ATPSCKMT: variants seen among roughly 807,000 people sequenced by gnomAD.
The protein encoded by ATPSCKMT is ATP synthase c subunit lysine N-methyltransferase.
In ATPSCKMT, 24 loss-of-function variants were observed where a neutral mutation model predicts 24.3. That is an observed-to-expected ratio of 0.99 (90% CI 0.71 to 1.39). The LOEUF is 1.39. Among genes scored for constraint, ATPSCKMT ranks in the 40% most tolerant of loss-of-function variants. ATPSCKMT has a pLI of 0.00. For missense variants in ATPSCKMT, 311 were observed against 298.4 expected (o/e 1.04, Z -0.31); for synonymous variants, 95 against 110.5 (o/e 0.86, Z 0.88).
In ATPSCKMT at chr5:10,240,100, G is replaced by A. The variant is rs548631346; in HGVS notation, c.17-744C>T. On this transcript the variant is annotated intron_variant, in intron 1 of 4. Coordinates refer to ENST00000511437, the MANE Select transcript of ATPSCKMT (RefSeq NM_199133.4). ...AAAAAAAAAATTAGCCGGGCGTGGT[G>A]GCGGGCGCCTGTAGTCCCAGCTACT... 1.5e-4 allele frequency among the ~76,000 whole-genome samples: 23 copies of A among 151,806 alleles called. No individual in the cohort carries two copies. In the South Asian group the frequency reaches 2.7e-3, roughly 18 times the overall value.
At chr5:10,248,397 AT>A (rs1226898044) in intron 1 of ATPSCKMT, 1 of 152,226 alleles carries the variant, frequency 6.6e-6, no homozygotes, top group Non-Finnish European at 1.5e-5. Context: ...AGAAGTCACC[AT>A]TTTTAATGAG....
At chr5:10,249,574 C>T in intron 1 of ATPSCKMT, 1 of 416,444 alleles carries the variant, frequency 2.4e-6, no homozygotes, top group Non-Finnish European at 4.2e-6. Context: ...TGTGCCTCCA[C>T]TATCCCTATT....
rs367622945 is a variant in ATPSCKMT, at chr5:10,227,568, T to C, written c.575A>G (p.His192Arg). The C allele has an allele frequency of 5.0e-6, 8 of 1,614,008 alleles. No individual in the cohort carries two copies. In the African/African-American group the frequency reaches 6.7e-5, roughly 13 times the overall value. Residue 192 changes from histidine to arginine, a missense_variant, in exon 5 of 5, where the codon CAT becomes CGT. Coordinates refer to ENST00000511437, the MANE Select transcript of ATPSCKMT (RefSeq NM_199133.4). ...RVIACRFPFP[H>R]WTPDHVTGEG... Reference sequence around the variant, plus strand: ...CCCCGTGACGTGGTCTGGAGTCCAATGTGGGAAAGGGAACCGGCAAGCAAT... The same window carrying C: ...CCCCGTGACGTGGTCTGGAGTCCAACGTGGGAAAGGGAACCGGCAAGCAAT...
chr5:10,242,356 A>T (rs902234610), intron 1 of ATPSCKMT, among the ~76,000 whole-genome samples: 1 of 152,210 alleles, frequency 6.6e-6, no homozygotes, highest in Non-Finnish European at 1.5e-5. Flanking sequence ...CATCCTCACC[A>T]GTAGTAGATT....
intron 1 of ATPSCKMT, among the ~76,000 whole-genome samples, chr5:10,243,006 G>A (rs1050581759): frequency 1.3e-5 from 2 of 152,214 alleles, no homozygotes; most frequent in African/African-American, 4.8e-5. Context: ...TATACAGCAA[G>A]GCAGAGTAGA....
At chr5:10,234,362 A>C (rs1301862489) in intron 4 of ATPSCKMT, among the ~76,000 whole-genome samples, 4 of 152,208 alleles carry the variant, frequency 2.6e-5, no homozygotes, top group Non-Finnish European at 4.4e-5. Context: ...AGCATTTCTA[A>C]ATTATATTTT....
At position 10,239,072 on chromosome 5, in the gene ATPSCKMT, G is replaced by A. The variant is rs764422059; in HGVS notation, c.301C>T (p.Arg101Cys). The A allele has an allele frequency of 6.8e-6, 11 of 1,613,184 alleles. No homozygotes were observed. Among genetic ancestry groups the A allele is most frequent in the African/African-American group, 4.0e-5 (3 of 74,896 alleles). The change falls in exon 2 of 5, where the codon CGC (arginine) becomes TGC (cysteine). Residue 101 changes from arginine to cysteine, a missense_variant. Arg to Cys is a radical substitution (Grantham distance 180). Transcript: ENST00000511437. Reference protein sequence around the residue: ...SLVDIGSGDGRIVIAAAKKGF... With the variant: ...SLVDIGSGDGCIVIAAAKKGF... ...AATGTTTTAGCAGAACTCACAATGC[G>A]TCCGTCCCCACTACCGATGTCCACA...
intron 1 of ATPSCKMT, among the ~76,000 whole-genome samples, chr5:10,242,791 C>T (rs538188626): frequency 9.2e-5 from 14 of 152,332 alleles, no homozygotes; most frequent in African/African-American, 3.4e-4. Flanking sequence ...AAAATGAATG[C>T]TGTGTTGACA....
chr5:10,249,544 C>T, intron 1 of ATPSCKMT: 2 of 368,922 alleles, frequency 5.4e-6, no homozygotes, highest in Non-Finnish European at 9.6e-6. Flanking sequence ...AGCGGCAGAA[C>T]TGCGATTCCA....
chr5:10,233,571 CT>C (rs1359247295), intron 4 of ATPSCKMT, among the ~76,000 whole-genome samples: 1 of 150,276 alleles, frequency 6.7e-6, no homozygotes, highest in Non-Finnish European at 1.5e-5. Flanking sequence ...CTTATTTCCC[CT>C]GATTGAACAG....
chr5:10,247,667 C>T (rs1199521743), intron 1 of ATPSCKMT, among the ~76,000 whole-genome samples: 3 of 152,180 alleles, frequency 2.0e-5, no homozygotes, highest in African/African-American at 7.2e-5. Context: ...CCTGAATATT[C>T]AAAACTAAAA....
intron 1 of ATPSCKMT, among the ~76,000 whole-genome samples, chr5:10,245,308 T>A (rs1744863153): frequency 6.6e-6 from 1 of 152,004 alleles, no homozygotes; most frequent in African/African-American, 2.4e-5. Context: ...TAGTCCCAGC[T>A]ACTTGAAAGG....
chr5:10,239,286 G>A lies in ATPSCKMT; in HGVS notation c.87C>T (p.Asn29=), dbSNP rs748183409. The A allele has an allele frequency of 1.9e-6, 3 of 1,614,194 alleles. No individual in the cohort carries two copies. The highest frequency in any genetic ancestry group is 2.2e-5 in the East Asian group (1 of 44,886). The change falls in exon 2 of 5, where the codon AAC becomes AAT. Residue 29 remains asparagine (N), a synonymous_variant. Transcript: ENST00000511437. ...ACCCCCAGTTGCTTTTCTGCAAACT[G>A]TTGACTTCAAAACTTGCAGGTAGAA... ...RHVLPASFEV[N]SLQKSNWGFL...
chr5:10,235,154 G>A (rs1744315626), intron 4 of ATPSCKMT, 57 bp downstream of exon 4: 1 of 1,538,220 alleles, frequency 6.5e-7, no homozygotes, highest in Non-Finnish European at 9.0e-7. Flanking sequence ...TGTTGTGGCT[G>A]GAAGGGCCTT....
chr5:10,246,167 C>A (rs1002718173), intron 1 of ATPSCKMT, among the ~76,000 whole-genome samples: 14 of 151,912 alleles, frequency 9.2e-5, no homozygotes, highest in African/African-American at 3.4e-4. Context: ...CAGTGGCTCA[C>A]GCCTGCAATC....
rs138685581 is a variant in ATPSCKMT, at chr5:10,242,371, C to T, written c.17-3015G>A. 3.9e-4 allele frequency among the ~76,000 whole-genome samples: 60 copies of T among 152,334 alleles called. 1 individual carries two copies. The highest frequency in any genetic ancestry group is 3.4e-3 in the Middle Eastern group (1 of 294). On this transcript the variant is annotated intron_variant, in intron 1 of 4. Transcript: ENST00000511437. ...CATCCTCACCAGTAGTAGATTCCAT[C>T]TCAAGAAACAACCTCCCTTGCTCAT...
chr5:10,249,636 G>T, intron 1 of ATPSCKMT: 2 of 663,516 alleles, frequency 3.0e-6, no homozygotes, highest in Non-Finnish European at 4.8e-6. Context: ...GCCTAGAACA[G>T]TCTCTGGGGA....
chr5:10,249,403 C>T, intron 1 of ATPSCKMT: 1 of 182,828 alleles, frequency 5.5e-6, no homozygotes, highest in Non-Finnish European at 1.1e-5. Context: ...GTTCAGCTTG[C>T]CAGGCACCGT....
At position 10,239,101 on chromosome 5, in the gene ATPSCKMT, G is replaced by T. The variant is rs1744504950; in HGVS notation, c.272C>A (p.Ser91Tyr). ...GTCCCCACTACCGATGTCCACAAGG[G>T]ATCCTCTTCGGCATCGCAACATTTT... ...VVKMLRCRRG[S>Y]LVDIGSGDGR... The change falls in exon 2 of 5, where the codon TCC becomes TAC. Residue 91 changes from serine (S) to tyrosine (Y), a missense_variant. Transcript: ENST00000511437. The T allele has an allele frequency of 6.2e-7, 1 of 1,614,154 alleles. No individual in the cohort carries two copies. Among genetic ancestry groups the T allele is most frequent in the East Asian group, 2.2e-5 (1 of 44,890 alleles).
Sources: gnomAD v4.1 joint callset for allele counts (sites outside exome capture counted in the v4.1 genomes callset) on GRCh38, gnomAD v4.1.1 for gene constraint, MANE v1.5 for transcripts, NCBI Gene and HGNC (gene_info 2026-07-23, HGNC 2026-07-21) for gene names.